Variants in LEKR1 observed in about 807,000 individuals in gnomAD.
LEKR1 encodes the protein protein LEKR1.
In LEKR1, 59 loss-of-function variants were observed where a neutral mutation model predicts 72.4. That is an observed-to-expected ratio of 0.82 (90% CI 0.66 to 1.01). LEKR1 has a LOEUF of 1.01. Ranked by LOEUF, LEKR1 falls within the 50% of genes least tolerant of loss-of-function variation. The pLI is 0.00. For missense variants in LEKR1, 728 were observed against 759.2 expected (o/e 0.96, Z 0.48); for synonymous variants, 257 against 263.2 (o/e 0.98, Z 0.23).
At chr3:157,023,056 A>C (rs1427535600) in intron 10 of LEKR1, among the ~76,000 whole-genome samples, 1 of 152,040 alleles carries the variant, frequency 6.6e-6, no homozygotes, top group Non-Finnish European at 1.5e-5. Context: ...TAACTTTCTT[A>C]GCAATATTTG....
intron 6 of LEKR1, among the ~76,000 whole-genome samples, chr3:156,943,141 T>C (rs1726375230): frequency 6.6e-6 from 1 of 151,932 alleles, no homozygotes; most frequent in Non-Finnish European, 1.5e-5. Context: ...GAGGAATGAG[T>C]GTCTTGACAG....
At chr3:157,028,450 T>C in intron 12 of LEKR1, 48 bp downstream of exon 12, 1 of 1,456,470 alleles carries the variant, frequency 6.9e-7, no homozygotes, top group South Asian at 1.4e-5. Flanking sequence ...AGAGCACATG[T>C]TCTTTCAACA....
rs1732878089 is a variant in LEKR1 at position 157,011,449 on chromosome 3, G to A, written c.1146G>A (p.Glu382=). 5.6e-6 allele frequency: 9 copies of A among 1,613,186 alleles called. No individual in the cohort carries two copies. The highest frequency in any genetic ancestry group is 7.6e-6 in the Non-Finnish European group (9 of 1,179,334). ...LMLISHQKSI[E]QLQETLRQKL... The stretch of plus-strand genomic sequence containing the variant: ...TGATTTCACATCAGAAAAGCATCGA[G>A]CAGCTGCAAGAAACCCTTAGACAGA... The change falls in exon 10 of 13, where the codon GAG becomes GAA. Residue 382 remains glutamate, a synonymous_variant. Transcript: ENST00000356539.
intron 3 of LEKR1, among the ~76,000 whole-genome samples, chr3:156,891,864 G>T (rs1343282136): frequency 6.6e-6 from 1 of 152,036 alleles, no homozygotes; most frequent in African/African-American, 2.4e-5. Flanking sequence ...CAGATGGCAG[G>T]GTTCATTTTG....
rs558731386 is a variant in LEKR1 at position 157,039,177 on chromosome 3, T to G, written c.1669-6163T>G. 3.9e-5 allele frequency among the ~76,000 whole-genome samples: 6 copies of G among 152,336 alleles called. No individual in the cohort carries two copies. In the South Asian group the frequency reaches 1.2e-3, roughly 32 times the overall value. ...CTATTAACAGTGGTTACCTTAGAAG[T>G]GTAGGAAGAGATAGACAGGGGTTTT... On this transcript the variant is annotated intron_variant, in intron 12 of 12. Coordinates refer to ENST00000356539, the MANE Select transcript of LEKR1 (RefSeq NM_001004316.3).
intron 6 of LEKR1, among the ~76,000 whole-genome samples, chr3:156,944,309 G>T (rs1249228697): frequency 6.6e-6 from 1 of 151,484 alleles, no homozygotes; most frequent in Non-Finnish European, 1.5e-5. Flanking sequence ...ATATTTATAG[G>T]ATACATGAGA....
intron 2 of LEKR1, among the ~76,000 whole-genome samples, chr3:156,847,706 G>A (rs1714803784): frequency 6.6e-6 from 1 of 152,150 alleles, no homozygotes; most frequent in South Asian, 2.1e-4. Context: ...TTTGTGCAAT[G>A]TATTTATTTA....
At chr3:156,894,659 T>C (rs1720997700) in intron 3 of LEKR1, among the ~76,000 whole-genome samples, 1 of 152,158 alleles carries the variant, frequency 6.6e-6, no homozygotes, top group Non-Finnish European at 1.5e-5. Flanking sequence ...AAGGCTACAG[T>C]AATCAAAACA....
At chr3:156,832,424 A>G (rs1166100527) in intron 2 of LEKR1, among the ~76,000 whole-genome samples, 1 of 152,208 alleles carries the variant, frequency 6.6e-6, no homozygotes, top group Non-Finnish European at 1.5e-5. Flanking sequence ...CCCCATTTCT[A>G]CCAAACACAA....
chr3:156,882,852 G>A (rs1719589161), intron 3 of LEKR1, among the ~76,000 whole-genome samples: 2 of 151,732 alleles, frequency 1.3e-5, no homozygotes, highest in Non-Finnish European at 2.9e-5. Flanking sequence ...GTCCTTTGTA[G>A]GGACATGGAT....
intron 6 of LEKR1, among the ~76,000 whole-genome samples, chr3:156,948,366 C>A (rs1726861647): frequency 6.6e-6 from 1 of 151,092 alleles, no homozygotes; most frequent in Non-Finnish European, 1.5e-5. Context: ...ATGCACCTCA[C>A]AAAATTCTCA....
At chr3:156,979,365 A>T in intron 7 of LEKR1, 90 bp downstream of exon 7, 1 of 549,868 alleles carries the variant, frequency 1.8e-6, no homozygotes, top group Non-Finnish European at 3.1e-6. Flanking sequence ...CAAGAATTAT[A>T]AAGACCCTGG....
chr3:156,983,283 T>G (rs1411300941), intron 7 of LEKR1, among the ~76,000 whole-genome samples: 1 of 152,118 alleles, frequency 6.6e-6, no homozygotes, highest in African/African-American at 2.4e-5. Flanking sequence ...GGGCATGGGA[T>G]AGACAGGACC....
chr3:157,021,677 G>A (rs139165313), intron 10 of LEKR1, among the ~76,000 whole-genome samples: 1 of 152,140 alleles, frequency 6.6e-6, no homozygotes, highest in East Asian at 1.9e-4. Context: ...TAGCTATTGG[G>A]CTCTACTAAT....
At chr3:156,881,007 A>G (rs904439645) in intron 3 of LEKR1, among the ~76,000 whole-genome samples, 2 of 152,350 alleles carry the variant, frequency 1.3e-5, no homozygotes, top group East Asian at 1.9e-4. Context: ...TCTCAAAATC[A>G]TAAGAGCTAT....
chr3:156,952,263 A>G (rs955309620), intron 6 of LEKR1, among the ~76,000 whole-genome samples: 6 of 151,400 alleles, frequency 4.0e-5, no homozygotes, highest in African/African-American at 1.5e-4. Flanking sequence ...TTAGAACTAG[A>G]AGCTATTTTT....
At chr3:156,830,722 A>C (rs1434166504) in intron 2 of LEKR1, among the ~76,000 whole-genome samples, 1 of 152,198 alleles carries the variant, frequency 6.6e-6, no homozygotes, top group East Asian at 1.9e-4. Context: ...AGTGGTGAAA[A>C]GTCTCGGAGA....
intron 9 of LEKR1, among the ~76,000 whole-genome samples, chr3:157,006,739 G>T (rs1474513512): frequency 2.0e-5 from 3 of 152,196 alleles, no homozygotes; most frequent in Non-Finnish European, 1.5e-5. Flanking sequence ...CTGAGTAAAA[G>T]ATGCCAGACC....
At chr3:157,020,302 A>C (rs949759889) in intron 10 of LEKR1, among the ~76,000 whole-genome samples, 34 of 140,444 alleles carry the variant, frequency 2.4e-4, no homozygotes, top group Non-Finnish European at 5.1e-4. Context: ...TTATACTTTA[A>C]GTTTTAGGGT....
Sources: gnomAD v4.1 joint callset for allele counts (sites outside exome capture counted in the v4.1 genomes callset) on GRCh38, gnomAD v4.1.1 for gene constraint, MANE v1.5 for transcripts, NCBI Gene and HGNC (gene_info 2026-07-23, HGNC 2026-07-21) for gene names.